ZNF722: variants seen among roughly 807,000 people sequenced by gnomAD.
The protein encoded by ZNF722 is zinc finger protein 722.
chr7:64,008,325 A>G, the ZNF722 span, among the ~76,000 whole-genome samples: 1 of 152,124 alleles, frequency 6.6e-6, no homozygotes, highest in Non-Finnish European at 1.5e-5. Flanking sequence ...GCCCATGCCT[A>G]TGTCCTGTAT....
At chr7:64,017,536 A>G in the ZNF722 span, among the ~76,000 whole-genome samples, 1 of 152,258 alleles carries the variant, frequency 6.6e-6, no homozygotes, top group Non-Finnish European at 1.5e-5. Context: ...ATGTTATTGT[A>G]TGCATTTTAT....
At chr7:64,012,550 T>C in the ZNF722 span, among the ~76,000 whole-genome samples, 2 of 152,178 alleles carry the variant, frequency 1.3e-5, no homozygotes, top group African/African-American at 4.8e-5. Flanking sequence ...GCAGGACAAG[T>C]GATCCTTCCA....
the ZNF722 span, among the ~76,000 whole-genome samples, chr7:64,000,230 A>G: frequency 1.3e-5 from 2 of 149,556 alleles, no homozygotes; most frequent in African/African-American, 5.0e-5. Flanking sequence ...TCCCATGTTC[A>G]TGCGATTCTC....
the ZNF722 span, chr7:64,015,891 A>G: frequency 6.4e-7 from 1 of 1,554,724 alleles, no homozygotes; most frequent in East Asian, 2.3e-5. Flanking sequence ...GATAATTCAT[A>G]CTGGAGAGAA....
the ZNF722 span, among the ~76,000 whole-genome samples, chr7:64,011,744 G>A: frequency 3.3e-5 from 5 of 152,062 alleles, no homozygotes; most frequent in South Asian, 2.1e-4. Context: ...TGCTCTTCTC[G>A]AGGAGTATCT....
chr7:64,006,550 T>G, the ZNF722 span, among the ~76,000 whole-genome samples: 1 of 152,226 alleles, frequency 6.6e-6, no homozygotes, highest in Non-Finnish European at 1.5e-5. Flanking sequence ...GTTCACAGTG[T>G]GAGCCAGAGT....
At chr7:64,000,278 G>GTAA in the ZNF722 span, among the ~76,000 whole-genome samples, 1 of 143,918 alleles carries the variant, frequency 6.9e-6, no homozygotes, top group Non-Finnish European at 1.5e-5. Context: ...TTACAGGCAT[G>GTAA]CGTCACCACC....
the ZNF722 span, among the ~76,000 whole-genome samples, chr7:64,000,132 T>TTTTG: frequency 4.0e-3 from 562 of 139,748 alleles, 5 homozygotes; most frequent in African/African-American, 0.013. Context: ...TTTTTTTTTT[T>TTTTG]TGTGTGTGTG....
At chr7:64,006,839 A>G in the ZNF722 span, among the ~76,000 whole-genome samples, 1 of 151,406 alleles carries the variant, frequency 6.6e-6, no homozygotes, top group East Asian at 1.9e-4. Context: ...GTATGTATTT[A>G]TTTATTTATT....
At chr7:64,003,634 T>A in the ZNF722 span, among the ~76,000 whole-genome samples, 2,088 of 152,326 alleles carry the variant, frequency 0.014, 52 homozygotes, top group African/African-American at 0.048. Flanking sequence ...CAACTATTTT[T>A]TGTTATTTTT....
At chr7:64,001,965 C>A in the ZNF722 span, among the ~76,000 whole-genome samples, 2 of 152,032 alleles carry the variant, frequency 1.3e-5, no homozygotes. Flanking sequence ...CTCACTGCAA[C>A]CTCTGCCCTC....
chr7:64,013,672 C>T, the ZNF722 span, among the ~76,000 whole-genome samples: 11 of 151,962 alleles, frequency 7.2e-5, no homozygotes, highest in East Asian at 1.9e-4. Flanking sequence ...AAAATGTTTT[C>T]GGCACCATCA....
the ZNF722 span, chr7:63,998,850 T>C: frequency 7.9e-7 from 1 of 1,268,578 alleles, no homozygotes; most frequent in Non-Finnish European, 1.1e-6. Flanking sequence ...TTGCGGGTCC[T>C]TTTGTGCTTC....
chr7:64,010,508 G>C, the ZNF722 span, among the ~76,000 whole-genome samples: 3 of 152,288 alleles, frequency 2.0e-5, no homozygotes, highest in East Asian at 5.8e-4. Context: ...GTACCCAGTA[G>C]TCATTCAGGA....
the ZNF722 span, among the ~76,000 whole-genome samples, chr7:64,017,886 T>C: frequency 5.0e-3 from 765 of 152,306 alleles, 7 homozygotes; most frequent in African/African-American, 0.018. Context: ...ATTTAGATTT[T>C]CTGAAAAGCA....
At chr7:64,009,942 G>A in the ZNF722 span, among the ~76,000 whole-genome samples, 1 of 152,102 alleles carries the variant, frequency 6.6e-6, no homozygotes, top group African/African-American at 2.4e-5. Context: ...TCTATTCAGG[G>A]ATTCAACTTC....
the ZNF722 span, among the ~76,000 whole-genome samples, chr7:64,013,056 C>T: frequency 1.3e-5 from 2 of 152,118 alleles, no homozygotes; most frequent in African/African-American, 4.8e-5. Context: ...ACTTCTTTTA[C>T]AGTCTACTGA....
chr7:64,001,432 C>T, the ZNF722 span, among the ~76,000 whole-genome samples: 2 of 152,168 alleles, frequency 1.3e-5, no homozygotes, highest in African/African-American at 4.8e-5. Flanking sequence ...TGTTGTTCTT[C>T]CTTATAGCTG....
At chr7:64,011,272 A>G in the ZNF722 span, among the ~76,000 whole-genome samples, 1 of 152,016 alleles carries the variant, frequency 6.6e-6, no homozygotes, top group Non-Finnish European at 1.5e-5. Context: ...ATTGTTAGGT[A>G]TGAATTTGAT....
Sources: allele counts gnomAD v4.1 joint callset (sites outside exome capture counted in the v4.1 genomes callset), GRCh38; gene constraint gnomAD v4.1.1; transcripts MANE v1.5; gene names NCBI Gene and HGNC (gene_info 2026-07-23, HGNC 2026-07-21).